Variants in DOCK3 observed in about 807,000 individuals in gnomAD.
The protein encoded by DOCK3 is dedicator of cytokinesis protein 3.
DOCK3 carries 60 observed loss-of-function variants against 265.6 expected under a neutral mutation model. The observed-to-expected ratio is 0.23, with a 90% CI of 0.18 to 0.28. The LOEUF (loss-of-function observed/expected upper bound fraction) is 0.28. Among genes scored for constraint, DOCK3 ranks in the 10% least tolerant of loss-of-function variants. The pLI, the probability that DOCK3 is intolerant of heterozygous loss-of-function variation, is 1.00. For synonymous variants in DOCK3, 881 were observed against 938.0 expected, an observed-to-expected ratio of 0.94 and a Z score of 1.11; for missense variants, 1,981 against 2,594.3, an observed-to-expected ratio of 0.76 and a Z score of 5.14.
At chr3:50,963,888 G>C (rs1426796296) in intron 5 of DOCK3, among the ~76,000 whole-genome samples, 1 of 152,186 alleles carries the variant, frequency 6.6e-6, no homozygotes, top group African/African-American at 2.4e-5. Context: ...CTGAAGAGGA[G>C]AGAGCTTCAA....
chr3:50,969,150 G>A (rs1048025910), intron 5 of DOCK3, among the ~76,000 whole-genome samples: 2 of 152,094 alleles, frequency 1.3e-5, no homozygotes, highest in African/African-American at 4.8e-5. Flanking sequence ...AATAAATCAA[G>A]GTGCTCTGGT....
chr3:50,699,459 T>G (rs2035885318), intron 1 of DOCK3, among the ~76,000 whole-genome samples: 1 of 151,636 alleles, frequency 6.6e-6, no homozygotes, highest in Non-Finnish European at 1.5e-5. Context: ...GGGCATTTTT[T>G]TTTTTTTTTT....
At chr3:51,145,612 T>G (rs2085264131) in intron 9 of DOCK3, among the ~76,000 whole-genome samples, 1 of 152,134 alleles carries the variant, frequency 6.6e-6, no homozygotes, top group Non-Finnish European at 1.5e-5. Context: ...TTATTTTTAT[T>G]TTTTAGCTCA....
chr3:50,946,954 AT>A (rs1247218763), intron 5 of DOCK3, among the ~76,000 whole-genome samples: 1 of 152,202 alleles, frequency 6.6e-6, no homozygotes, highest in East Asian at 1.9e-4. Context: ...TAAAAATCCT[AT>A]TTAACTTCTA....
chr3:50,731,497 A>G (rs2038206061), intron 1 of DOCK3, among the ~76,000 whole-genome samples: 1 of 152,218 alleles, frequency 6.6e-6, no homozygotes, highest in East Asian at 1.9e-4. Flanking sequence ...GGGAAAGGGT[A>G]TATGAGAAAT....
chr3:50,958,005 G>C (rs2076775264), intron 5 of DOCK3, among the ~76,000 whole-genome samples: 1 of 151,854 alleles, frequency 6.6e-6, no homozygotes, highest in African/African-American at 2.4e-5. Context: ...TCTGTAGATT[G>C]CTCTTCTTTT....
At position 50,691,238 on chromosome 3, in the gene DOCK3, C is replaced by T. The variant is rs535952041; in HGVS notation, c.37+15938C>T. On this transcript the variant is annotated intron_variant, in intron 1 of 52. Coordinates refer to ENST00000266037, the MANE Select transcript of DOCK3 (RefSeq NM_004947.5). ...GGCGGAGCTTGCAGTGAGCCGAGAT[C>T]GCATCACTGCACTCCAGCCTGGGTG... is the stretch of plus-strand genomic sequence containing the variant. 1.6e-3 allele frequency among the ~76,000 whole-genome samples: 237 copies of T among 149,868 alleles called. 2 individuals are homozygous for T. The highest frequency in any genetic ancestry group is 5.5e-3 in the African/African-American group (222 of 40,690).
chr3:51,372,187 G>A (rs1273067193), intron 49 of DOCK3, among the ~76,000 whole-genome samples: 1 of 152,196 alleles, frequency 6.6e-6, no homozygotes, highest in Admixed American at 6.5e-5. Context: ...AGGAAACAGG[G>A]ATTTTGAATA....
In DOCK3 at chr3:51,338,857, A is replaced by G. The variant is rs1190829107; in HGVS notation, c.3673-78A>G. The G allele has an allele frequency of 5.5e-6, 7 of 1,277,760 alleles. No individual in the cohort carries two copies. In the Admixed American group the frequency reaches 1.2e-4, roughly 22 times the overall value. 79.2% of individuals were successfully genotyped at this position (1,277,760 alleles called of 1,614,324 possible). The stretch of plus-strand genomic sequence containing the variant: ...CCTCCCCCTCCTGCCCAGCACACCC[A>G]CGGCTATGGCCAGCTGCCCAGAGCT... On this transcript the variant is annotated intron_variant, in intron 36 of 52. Coordinates refer to ENST00000266037, the MANE Select transcript of DOCK3 (RefSeq NM_004947.5).
intron 1 of DOCK3, among the ~76,000 whole-genome samples, chr3:50,696,589 A>ATGTGACCT (rs540617914): frequency 7.9e-4 from 120 of 152,316 alleles, no homozygotes; most frequent in African/African-American, 2.8e-3. Context: ...CACAGGGGAC[A>ATGTGACCT]GTAAGGCATG....
chr3:50,936,953 C>T (rs2051396852), intron 5 of DOCK3, among the ~76,000 whole-genome samples: 1 of 152,136 alleles, frequency 6.6e-6, no homozygotes, highest in African/African-American at 2.4e-5. Context: ...AATGTTGATA[C>T]AGTTCTCAGT....
intron 1 of DOCK3, among the ~76,000 whole-genome samples, chr3:50,688,337 A>G (rs2034980766): frequency 6.6e-6 from 1 of 152,164 alleles, no homozygotes; most frequent in Non-Finnish European, 1.5e-5. Context: ...GTGGTGAGAC[A>G]GTTTTGAAGG....
intron 5 of DOCK3, among the ~76,000 whole-genome samples, chr3:50,973,060 T>TTTC (rs2077296353): frequency 1.4e-5 from 2 of 143,616 alleles, no homozygotes; most frequent in African/African-American, 5.1e-5. Context: ...TTTTTTTTTT[T>TTTC]TTTTTTTTTT....
chr3:51,256,028 G>A (rs1289305853), intron 22 of DOCK3, among the ~76,000 whole-genome samples: 1 of 152,158 alleles, frequency 6.6e-6, no homozygotes, highest in Non-Finnish European at 1.5e-5. Flanking sequence ...TTTGATGATG[G>A]TGACATACAG....
intron 36 of DOCK3, among the ~76,000 whole-genome samples, chr3:51,338,690 C>T (rs565800516): frequency 6.6e-6 from 1 of 152,306 alleles, no homozygotes; most frequent in South Asian, 2.1e-4. Context: ...TCACAGTCAA[C>T]CCTGACTCCT....
chr3:51,143,011 C>T (rs2085132300), intron 9 of DOCK3, among the ~76,000 whole-genome samples: 2 of 151,870 alleles, frequency 1.3e-5, no homozygotes, highest in South Asian at 2.1e-4. Flanking sequence ...CTCAGCCTCC[C>T]GAGCAGCTAG....
At chr3:51,369,425 A>G (rs562378529) in intron 49 of DOCK3, among the ~76,000 whole-genome samples, 1 of 152,368 alleles carries the variant, frequency 6.6e-6, no homozygotes, top group South Asian at 2.1e-4. Context: ...GATTCGATCA[A>G]CTGGAAGAAA....
intron 4 of DOCK3, among the ~76,000 whole-genome samples, chr3:50,921,727 G>T (rs1382424826): frequency 6.6e-6 from 1 of 152,152 alleles, no homozygotes; most frequent in Admixed American, 6.5e-5. Flanking sequence ...CATACAGCTG[G>T]AGTTTTGGTG....
intron 4 of DOCK3, among the ~76,000 whole-genome samples, chr3:50,908,040 A>G (rs1349934475): frequency 2.6e-5 from 4 of 151,976 alleles, no homozygotes; most frequent in Non-Finnish European, 5.9e-5. Flanking sequence ...ATTGGTGGTT[A>G]GTATTTCTGT....
Sources: gnomAD v4.1 joint callset for allele counts (sites outside exome capture counted in the v4.1 genomes callset) on GRCh38, gnomAD v4.1.1 for gene constraint, MANE v1.5 for transcripts, NCBI Gene and HGNC (gene_info 2026-07-23, HGNC 2026-07-21) for gene names.